Variants in ECRG4 observed in about 807,000 individuals in gnomAD.
ECRG4 encodes the protein ECRG4 augurin precursor, also known as augurin.
ECRG4 carries 18 observed loss-of-function variants against 15.8 expected under a neutral mutation model. That is an observed-to-expected ratio of 1.14 (90% CI 0.79 to 1.69). The LOEUF (loss-of-function observed/expected upper bound fraction) is 1.69. Ranked by LOEUF, ECRG4 falls within the 40% of genes most tolerant of loss-of-function variation. ECRG4 has a pLI of 0.00. For missense variants in ECRG4, 200 were observed against 190.9 expected (o/e 1.05, Z -0.28); for synonymous variants, 82 against 73.9 (o/e 1.11, Z -0.56).
At chr2:106,075,076 A>G (rs1676456628) in intron 3 of ECRG4, among the ~76,000 whole-genome samples, 1 of 152,088 alleles carries the variant, frequency 6.6e-6, no homozygotes, top group Non-Finnish European at 1.5e-5. Flanking sequence ...TGAGCCAAGC[A>G]TGATTCTAAG....
At chr2:106,065,504 T>C (rs1676188568), upstream of ECRG4, among the ~76,000 whole-genome samples, 1 of 151,680 alleles carries the variant, frequency 6.6e-6, no homozygotes, top group African/African-American at 2.4e-5. Flanking sequence ...CCAAGCATCC[T>C]TGGCCTTGGA....
chr2:106,074,361 G>A, intron 3 of ECRG4: 1 of 252,772 alleles, frequency 4.0e-6, no homozygotes, highest in African/African-American at 2.2e-5. Flanking sequence ...GTTTTGCCAG[G>A]GTATTCTTAA....
intron 3 of ECRG4, among the ~76,000 whole-genome samples, chr2:106,075,015 C>CTT (rs375901148): frequency 4.7e-5 from 7 of 149,742 alleles, no homozygotes; most frequent in Non-Finnish European, 8.9e-5. Context: ...TGTCTTTTTG[C>CTT]TTTTTTTTTT....
intron 3 of ECRG4, among the ~76,000 whole-genome samples, chr2:106,075,567 C>T (rs563432127): frequency 6.6e-6 from 1 of 152,124 alleles, no homozygotes; most frequent in East Asian, 1.9e-4. Flanking sequence ...ACTAAAAATA[C>T]AAAAAATTAG....
intron 1 of ECRG4, among the ~76,000 whole-genome samples, chr2:106,068,917 A>T (rs2377447): frequency 0.48 from 72,989 of 152,010 alleles, 17,794 homozygotes; most frequent in South Asian, 0.52. Flanking sequence ...GTGCTCATCT[A>T]TGTTTATTTA....
intron 1 of ECRG4, among the ~76,000 whole-genome samples, chr2:106,067,597 G>T (rs1288629170): frequency 6.6e-6 from 1 of 151,876 alleles, no homozygotes; most frequent in African/African-American, 2.4e-5. Context: ...AGCCTCCCGA[G>T]TAGCTGGAAT....
chr2:106,064,993 G>C (rs1005338961), upstream of ECRG4, among the ~76,000 whole-genome samples: 5 of 152,160 alleles, frequency 3.3e-5, no homozygotes, highest in African/African-American at 9.6e-5. Flanking sequence ...AGCGGGCAAA[G>C]GGAAGCAGTG....
intron 3 of ECRG4, among the ~76,000 whole-genome samples, chr2:106,076,902 G>A (rs2377449): frequency 0.43 from 65,239 of 151,962 alleles, 14,088 homozygotes; most frequent in South Asian, 0.56. Flanking sequence ...CTGAGCATCA[G>A]CACACGAGTC....
chr2:106,073,842 A>C, intron 2 of ECRG4, 44 bp from the exon 3 acceptor site: 1 of 1,605,244 alleles, frequency 6.2e-7, no homozygotes, highest in African/African-American at 1.3e-5. Context: ...GTGAGGAAGG[A>C]AGTCATTCTT....
chr2:106,066,977 A>G (rs1408271419), intron 1 of ECRG4, among the ~76,000 whole-genome samples: 1 of 141,772 alleles, frequency 7.1e-6, no homozygotes, highest in East Asian at 2.1e-4. Context: ...CCTGCCTCCC[A>G]CTCTTTGTTC....
intron 2 of ECRG4, chr2:106,072,192 C>T (rs759301476): frequency 3.8e-6 from 1 of 262,462 alleles, no homozygotes; most frequent in Non-Finnish European, 7.2e-6. Flanking sequence ...CCATGGAGCA[C>T]TTTAGAGACT....
intron 2 of ECRG4, chr2:106,072,149 T>C: frequency 2.3e-6 from 1 of 426,208 alleles, no homozygotes; most frequent in East Asian, 3.8e-5. Flanking sequence ...GAAACAGTAG[T>C]ACAGTGTTAA....
Position 106,065,886 on chromosome 2 carries a change from G to A in ECRG4, c.79+43G>A, listed in dbSNP as rs779064258. 30 of 1,443,416 alleles carry A rather than the reference G, an allele frequency of 2.1e-5. No individual in the cohort carries two copies. In the South Asian group the frequency reaches 4.2e-4, roughly 20 times the overall value. The allele number at this position is 1,443,416 out of a possible 1,614,324, so 89.4% of individuals were successfully genotyped here. A position where few individuals can be genotyped will look rare whatever the true frequency, so the allele number is the denominator to read the frequency against. On this transcript the variant is annotated intron_variant, in intron 1 of 3. Coordinates refer to ENST00000238044, the MANE Select transcript of ECRG4 (RefSeq NM_032411.3). Reference sequence around the variant, plus strand: ...AGGCTGATTGATAGCGGCACCAGGGGTTGGCCCCATGTGGCGCTTCCATGG... The same window carrying A: ...AGGCTGATTGATAGCGGCACCAGGGATTGGCCCCATGTGGCGCTTCCATGG...
chr2:106,070,371 T>C (rs1325732395), intron 1 of ECRG4, among the ~76,000 whole-genome samples: 1 of 152,164 alleles, frequency 6.6e-6, no homozygotes, highest in Non-Finnish European at 1.5e-5. Context: ...GCCCAATGAC[T>C]CTGAAGGCAG....
upstream of ECRG4, chr2:106,065,670 C>T (rs1676192990): frequency 2.1e-6 from 2 of 959,522 alleles, no homozygotes; most frequent in African/African-American, 1.7e-5. Context: ...TAACCCGCGG[C>T]CGCGCCTGCC....
intron 1 of ECRG4, chr2:106,070,777 C>T (rs1676346248): frequency 3.1e-6 from 1 of 322,222 alleles, no homozygotes; most frequent in Non-Finnish European, 6.4e-6. Flanking sequence ...CGCAATTTTA[C>T]ATGCCTTTCT....
Position 106,070,929 on chromosome 2 carries a change from G to C in ECRG4, c.80-915G>C, listed in dbSNP as rs530877461. On this transcript the variant is annotated intron_variant, in intron 1 of 3. Coordinates refer to ENST00000238044, the MANE Select transcript of ECRG4 (RefSeq NM_032411.3). ...TCACTACTTACGATGTCATGCAACA[G>C]TTAAGGGTCAGAGGCTCCTATAGGT... The C allele has an allele frequency of 5.6e-4, 262 of 471,372 alleles. 3 individuals are homozygous for C. The highest frequency in any genetic ancestry group is 4.9e-3 in the African/African-American group (244 of 50,196). The allele number at this position is 471,372 out of a possible 1,614,324, so 29.2% of individuals were successfully genotyped here. A position where few individuals can be genotyped will look rare whatever the true frequency, so the allele number is the denominator to read the frequency against.
chr2:106,077,432 G>T (rs1310852657), intron 3 of ECRG4, among the ~76,000 whole-genome samples: 1 of 152,198 alleles, frequency 6.6e-6, no homozygotes, highest in African/African-American at 2.4e-5. Flanking sequence ...TGGTCTGAGG[G>T]TCAGGCCAAG....
At chr2:106,073,809 T>A in intron 2 of ECRG4, 77 bp from the exon 3 acceptor site, 1 of 1,545,748 alleles carries the variant, frequency 6.5e-7, no homozygotes. Context: ...GGGGATGGGA[T>A]GTATAACAGG....
Sources: allele counts gnomAD v4.1 joint callset (sites outside exome capture counted in the v4.1 genomes callset), GRCh38; gene constraint gnomAD v4.1.1; transcripts MANE v1.5; gene names NCBI Gene and HGNC (gene_info 2026-07-23, HGNC 2026-07-21).